Variants in MLPH observed in about 807,000 individuals in gnomAD.
MLPH encodes melanophilin.
A neutral mutation model predicts 72.1 loss-of-function variants in MLPH; 51 were observed. That is an observed-to-expected ratio of 0.71 (90% CI 0.56 to 0.89). The LOEUF is 0.89. Ranked by LOEUF, MLPH falls within the 40% of genes least tolerant of loss-of-function variation. MLPH has a pLI of 0.00. For missense variants in MLPH, 743 were observed against 759.9 expected, an observed-to-expected ratio of 0.98 and a Z score of 0.26; for synonymous variants, 301 against 310.1, an observed-to-expected ratio of 0.97 and a Z score of 0.31.
At chr2:237,550,631 C>T (rs2081018042) in intron 14 of MLPH, among the ~76,000 whole-genome samples, 1 of 152,092 alleles carries the variant, frequency 6.6e-6, no homozygotes, top group Admixed American at 6.5e-5. Context: ...CTCACTGCAC[C>T]CCCCGCTTCC....
chr2:237,526,634 G>A (rs764850776), intron 7 of MLPH, among the ~76,000 whole-genome samples: 11 of 152,206 alleles, frequency 7.2e-5, no homozygotes, highest in Non-Finnish European at 1.3e-4. Flanking sequence ...ACCGGAGGCA[G>A]TCTGGGGGAG....
At position 237,538,947 on chromosome 2, in the gene MLPH, T is replaced by C. The variant is rs544213892; in HGVS notation, c.1105-1401T>C. On this transcript the variant is annotated intron_variant, in intron 9 of 15. Coordinates refer to ENST00000264605, the MANE Select transcript of MLPH (RefSeq NM_024101.7). ...AAAGAGCTGGCAGAGGTGCCGGGGC[T>C]GCCGTGTGGCTGTCTAAGGTCAAGT... 9.3e-4 allele frequency among the ~76,000 whole-genome samples: 142 copies of C among 152,326 alleles called. No individual in the cohort carries two copies. In the Middle Eastern group the frequency reaches 0.017, roughly 18 times the overall value.
At chr2:237,526,860 C>T (rs2080315717) in intron 7 of MLPH, among the ~76,000 whole-genome samples, 1 of 152,240 alleles carries the variant, frequency 6.6e-6, no homozygotes, top group South Asian at 2.1e-4. Flanking sequence ...TCTGCAAAGT[C>T]TGAGATTCAT....
chr2:237,489,922 T>C (rs1172402173), intron 1 of MLPH, among the ~76,000 whole-genome samples: 1 of 152,106 alleles, frequency 6.6e-6, no homozygotes, highest in South Asian at 2.1e-4. Flanking sequence ...AGCTCCACTC[T>C]CTCCTCCCTG....
chr2:237,490,184 G>T (rs936985398), intron 1 of MLPH, among the ~76,000 whole-genome samples: 18 of 152,098 alleles, frequency 1.2e-4, no homozygotes, highest in African/African-American at 4.3e-4. Context: ...ACCCAGCTAG[G>T]GCAGGCACAG....
At position 237,519,539 on chromosome 2, in the gene MLPH, C is replaced by CAT. The variant is rs2080129991; in HGVS notation, c.556-371_556-370insAT. ...ACCTCTGTCTCACTCAGCCATCGTG[C>CAT]CCCGGCTATCCGAAGCCCCAGGGAC... On this transcript the variant is annotated intron_variant, in intron 5 of 15. Transcript: ENST00000264605. 7.2e-5 allele frequency among the ~76,000 whole-genome samples: 11 copies of CAT among 152,324 alleles called. No individual in the cohort carries two copies. In the South Asian group the frequency reaches 2.3e-3, roughly 32 times the overall value.
intron 4 of MLPH, among the ~76,000 whole-genome samples, chr2:237,516,503 G>A (rs2080020599): frequency 6.6e-6 from 1 of 152,208 alleles, no homozygotes; most frequent in African/African-American, 2.4e-5. Context: ...ATGTGTTTGG[G>A]AGAACATGAC....
At position 237,496,306 on chromosome 2, in the gene MLPH, C is replaced by T. The variant is rs532600293; in HGVS notation, c.110+2770C>T. ...GGGAGCAAGTGGGGCCTGGGGGTCCCGGACAGGCACTGTCTTCCAGGGGAC... is the reference window on the plus strand; with the variant it reads ...GGGAGCAAGTGGGGCCTGGGGGTCCTGGACAGGCACTGTCTTCCAGGGGAC... On this transcript the variant is annotated intron_variant, in intron 2 of 15. Transcript: ENST00000264605. Among the ~76,000 whole-genome samples, 11 of 152,270 alleles carry T rather than the reference C, an allele frequency of 7.2e-5. 1 individual carries two copies. Among genetic ancestry groups the T allele is most frequent in the African/African-American group, 2.4e-4 (10 of 41,560 alleles).
chr2:237,517,640 G>C (rs1457584715), intron 4 of MLPH, among the ~76,000 whole-genome samples: 1 of 151,604 alleles, frequency 6.6e-6, no homozygotes, highest in Admixed American at 6.6e-5. Flanking sequence ...TGGATGGATA[G>C]GCAGGTGGAG....
At chr2:237,492,100 G>C (rs12467572) in intron 1 of MLPH, among the ~76,000 whole-genome samples, 13,915 of 152,164 alleles carry the variant, frequency 0.091, 791 homozygotes, top group Admixed American at 0.18. Flanking sequence ...AAGTTCCCAG[G>C]GGATGCTGCC....
intron 9 of MLPH, among the ~76,000 whole-genome samples, chr2:237,535,585 T>A (rs1047742728): frequency 5.3e-5 from 8 of 151,978 alleles, no homozygotes; most frequent in African/African-American, 1.9e-4. Context: ...TCCAGCTGAG[T>A]CACAGCCACA....
chr2:237,506,520 G>A (rs1325374691), intron 2 of MLPH, among the ~76,000 whole-genome samples: 10 of 152,158 alleles, frequency 6.6e-5, no homozygotes, highest in Non-Finnish European at 1.2e-4. Flanking sequence ...ACTCTAAGGG[G>A]GTTCATGTGA....
intron 14 of MLPH, among the ~76,000 whole-genome samples, chr2:237,551,527 G>A (rs1391743236): frequency 2.0e-5 from 3 of 152,232 alleles, no homozygotes; most frequent in Non-Finnish European, 4.4e-5. Context: ...ATGCAAAAGT[G>A]AAGAAGGGCG....
chr2:237,518,066 T>G (rs2080089771), intron 4 of MLPH: 2 of 222,686 alleles, frequency 9.0e-6, no homozygotes, highest in South Asian at 5.5e-5. Flanking sequence ...CACTGATTGA[T>G]TGGGTAGATG....
rs1017088511 is a variant in MLPH, at chr2:237,541,818, G to A, written c.1447-749G>A. On this transcript the variant is annotated intron_variant, in intron 11 of 15. Transcript: ENST00000264605. The surrounding 1 kb of genome is among the most constrained non-coding windows in gnomAD (Gnocchi z 5.1). ...GATCATTTGGGTTCATGAAAAGTGT[G>A]ATTAAGACAATCAGTGAAGGTGAGC... Among the ~76,000 whole-genome samples, 1 of 152,248 alleles carries A rather than the reference G, an allele frequency of 6.6e-6. No individual in the cohort carries two copies. Among genetic ancestry groups the A allele is most frequent in the African/African-American group, 2.4e-5 (1 of 41,466 alleles).
chr2:237,508,116 T>A (rs963031656), intron 2 of MLPH, among the ~76,000 whole-genome samples: 1 of 149,172 alleles, frequency 6.7e-6, no homozygotes, highest in Admixed American at 6.6e-5. Flanking sequence ...TTCTCATTTC[T>A]TTTTCTTTTT....
At chr2:237,504,071 G>A (rs1303844416) in intron 2 of MLPH, among the ~76,000 whole-genome samples, 1 of 152,194 alleles carries the variant, frequency 6.6e-6, no homozygotes, top group African/African-American at 2.4e-5. Flanking sequence ...TAAACTGCCA[G>A]AGAGCAGATT....
intron 12 of MLPH, chr2:237,546,325 A>G (rs2080917615): frequency 2.1e-6 from 1 of 469,024 alleles, no homozygotes; most frequent in Non-Finnish European, 3.9e-6. Context: ...TCCCAGCTTG[A>G]CTTTTTCCTT....
At chr2:237,523,185 G>C (rs543455458) in intron 6 of MLPH, among the ~76,000 whole-genome samples, 1 of 152,322 alleles carries the variant, frequency 6.6e-6, no homozygotes, top group East Asian at 1.9e-4. Flanking sequence ...TGGATTGTCA[G>C]TGTGAGATAA....
Sources: allele counts gnomAD v4.1 joint callset (sites outside exome capture counted in the v4.1 genomes callset), GRCh38; gene constraint gnomAD v4.1.1; non-coding constraint Gnocchi (gnomAD v3.1); transcripts MANE v1.5; gene names NCBI Gene and HGNC (gene_info 2026-07-23, HGNC 2026-07-21).